The following MCF2 variants were observed in gnomAD, a reference collection of about 807,000 sequenced individuals.
MCF2 encodes the protein MCF.2 cell line derived transforming sequence.
A neutral mutation model predicts 82.5 loss-of-function variants in MCF2; 44 were observed. That is an observed-to-expected ratio of 0.53 (90% confidence interval 0.42 to 0.69). The LOEUF (loss-of-function observed/expected upper bound fraction) is 0.69, where lower values mean the gene tolerates loss of function less well. Among genes scored for constraint, MCF2 ranks in the 30% least tolerant of loss-of-function variants. The pLI, the probability that MCF2 is intolerant of heterozygous loss-of-function variation, is 0.00. For synonymous variants in MCF2, 217 were observed against 224.9 expected (o/e 0.96, Z 0.32); for missense variants, 623 against 663.1 (o/e 0.94, Z 0.66).
intron 19 of MCF2, among the ~76,000 whole-genome samples, chrX:139,591,236 A>G (rs923996770): frequency 1.8e-5 from 2 of 111,159 alleles, no homozygotes; most frequent in Admixed American, 9.6e-5. Context: ...AATAGAAAGA[A>G]CACCTATTTC....
intron 1 of MCF2, among the ~76,000 whole-genome samples, chrX:139,639,906 T>G (rs1830158248): frequency 9.1e-6 from 1 of 109,925 alleles, no homozygotes; most frequent in African/African-American, 3.3e-5. Flanking sequence ...AGAGAGACCC[T>G]TGACTAAAAG....
intron 1 of MCF2, among the ~76,000 whole-genome samples, chrX:139,689,456 G>A (rs969194397): frequency 4.5e-5 from 5 of 110,699 alleles, no homozygotes; most frequent in African/African-American, 1.6e-4. Flanking sequence ...CTATTGCCCT[G>A]CTTACAACAC....
In MCF2 at chrX:139,651,703, TA is replaced by T; in HGVS notation, c.25+16del. On this transcript the variant is annotated intron_variant, in intron 2 of 27. Transcript: ENST00000414978. The stretch of plus-strand genomic sequence containing the variant: ...GTCATATATCTATCTGGACTATATA[TA>T]AGAAAGTTTGCTTACCAGACAAGAA... The T allele has an allele frequency of 9.2e-7, 1 of 1,090,221 alleles. No individual in the cohort carries two copies. Among genetic ancestry groups the T allele is most frequent in the Admixed American group, 2.6e-5 (1 of 38,543 alleles). The allele number at this position is 1,090,221 out of a possible 1,213,427, so 89.8% of individuals were successfully genotyped here.
At chrX:139,653,618 C>T (rs935069357) in intron 1 of MCF2, among the ~76,000 whole-genome samples, 1 of 111,199 alleles carries the variant, frequency 9.0e-6, no homozygotes, top group Non-Finnish European at 1.9e-5. Flanking sequence ...CTAGTGTGGG[C>T]TTGACCACTT....
chrX:139,622,296 T>C (rs1200498404), intron 6 of MCF2, among the ~76,000 whole-genome samples: 2 of 111,665 alleles, frequency 1.8e-5, no homozygotes, highest in Non-Finnish European at 3.8e-5. Context: ...TGTAAACTAG[T>C]TCAACCATTG....
chrX:139,654,791 T>C (rs1405916493), intron 1 of MCF2, among the ~76,000 whole-genome samples: 3 of 111,995 alleles, frequency 2.7e-5, no homozygotes, highest in Admixed American at 9.5e-5. Context: ...CAATTTAAGT[T>C]CTTTAATCCA....
At chrX:139,687,402 T>C (rs752477019) in intron 1 of MCF2, among the ~76,000 whole-genome samples, 1 of 113,240 alleles carries the variant, frequency 8.8e-6, no homozygotes, top group Non-Finnish European at 1.9e-5. Context: ...GAACAAGACG[T>C]CGAAGCAACA....
exon 20 of MCF2, chrX:139,589,922 A>G (rs1291958698): frequency 8.8e-7 from 1 of 1,139,679 alleles, no homozygotes; most frequent in Admixed American, 2.5e-5. Context: ...TTCCAACTTC[A>G]TCCATCTATA....
chrX:139,656,929 T>C (rs779719919), intron 1 of MCF2, among the ~76,000 whole-genome samples: 19 of 112,074 alleles, frequency 1.7e-4, no homozygotes, highest in Middle Eastern at 4.2e-3. Flanking sequence ...TTACGTTTGA[T>C]AGGAAGGTTG....
intron 1 of MCF2, among the ~76,000 whole-genome samples, chrX:139,666,270 C>A (rs1478385146): frequency 9.3e-6 from 1 of 107,184 alleles, no homozygotes; most frequent in East Asian, 2.9e-4. Context: ...ATGCCCTTCC[C>A]AGCCTCTGGT....
At chrX:139,629,921 T>C in intron 3 of MCF2, 77 bp from the exon 7 acceptor site, 1 of 857,694 alleles carries the variant, frequency 1.2e-6, no homozygotes, top group Non-Finnish European at 1.7e-6. Flanking sequence ...TAAGTGTATT[T>C]GTTTTTATTG....
chrX:139,671,093 T>A (rs1411295882), intron 1 of MCF2, among the ~76,000 whole-genome samples: 1 of 112,524 alleles, frequency 8.9e-6, no homozygotes, highest in Non-Finnish European at 1.9e-5. Flanking sequence ...ATGTGTCTGT[T>A]GGCTGCATAA....
chrX:139,632,421 C>T lies in MCF2; in HGVS notation c.85G>A (p.Val29Ile), dbSNP rs772701528. The T allele has an allele frequency of 1.7e-5, 20 of 1,203,461 alleles. No homozygotes were observed. In the South Asian group the frequency reaches 3.1e-4, roughly 18 times the overall value. The change falls in exon 2 of 25, where the codon GTT (valine) becomes ATT (isoleucine). Residue 29 changes from valine (V) to isoleucine (I), a missense_variant. Physicochemically the swap from Val to Ile is conservative, Grantham distance 29. Transcript: ENST00000370576. ...TGAAGAAAGCTGGTAGGACGTAAAA[C>T]CAAAACCAAGTGCAAGTTCCCAGGG... is the stretch of plus-strand genomic sequence containing the variant.
At chrX:139,631,158 C>G (rs1373354203) in intron 3 of MCF2, among the ~76,000 whole-genome samples, 1 of 111,519 alleles carries the variant, frequency 9.0e-6, no homozygotes. Context: ...CTCCTTATTC[C>G]CTAGGATTCT....
At chrX:139,682,864 C>T (rs1935033615) in intron 1 of MCF2, among the ~76,000 whole-genome samples, 1 of 112,340 alleles carries the variant, frequency 8.9e-6, no homozygotes, top group Non-Finnish European at 1.9e-5. Flanking sequence ...TTGATACCTT[C>T]TTGCCTTTTA....
At chrX:139,582,296 T>A (rs1218282458) in exon 25 of MCF2, 1 of 503,152 alleles carries the variant, frequency 2.0e-6, no homozygotes, top group African/African-American at 2.4e-5. Context: ...GTACCATAAT[T>A]AAAAGCTTTA....
chrX:139,691,765 G>A (rs1245207472), intron 1 of MCF2: 2 of 464,376 alleles, frequency 4.3e-6, no homozygotes, highest in Middle Eastern at 6.1e-4. Context: ...CGAGGTGGGG[G>A]GGTTGTATAG....
chrX:139,639,927 T>C (rs1222976176), intron 1 of MCF2, among the ~76,000 whole-genome samples: 2 of 93,579 alleles, frequency 2.1e-5, no homozygotes, highest in Non-Finnish European at 4.5e-5. Flanking sequence ...CCATTATGTA[T>C]GTGTCAGACT....
chrX:139,591,809 T>C (rs866099264), intron 19 of MCF2, among the ~76,000 whole-genome samples: 2 of 109,192 alleles, frequency 1.8e-5, no homozygotes, highest in Non-Finnish European at 1.9e-5. Flanking sequence ...ACCTGGGTGA[T>C]GGGATATTTG....
Sources: gnomAD v4.1 joint callset for allele counts (sites outside exome capture counted in the v4.1 genomes callset) on GRCh38, gnomAD v4.1.1 for gene constraint, MANE v1.5 for transcripts, NCBI Gene and HGNC (gene_info 2026-07-23, HGNC 2026-07-21) for gene names.